Variants in ZFR2 observed in about 807,000 individuals in gnomAD.
ZFR2 encodes the protein zinc finger RNA binding protein 2, also known as zinc finger RNA-binding protein 2.
A neutral mutation model predicts 105.7 loss-of-function variants in ZFR2; 104 were observed. The observed-to-expected ratio is 0.98, with a 90% CI of 0.84 to 1.16. The LOEUF (loss-of-function observed/expected upper bound fraction) is 1.16. Ranked by LOEUF, ZFR2 falls within the 50% of genes most tolerant of loss-of-function variation. The pLI is 0.00. For missense variants in ZFR2, 1,425 were observed against 1,355.5 expected (o/e 1.05, Z -0.80); for synonymous variants, 634 against 597.7 (o/e 1.06, Z -0.89).
At chr19:3,817,474 G>T (rs566137337) in intron 12 of ZFR2, among the ~76,000 whole-genome samples, 2 of 150,694 alleles carry the variant, frequency 1.3e-5, no homozygotes, top group African/African-American at 4.9e-5. Context: ...CAGGAGAATC[G>T]CTTGAACCCA....
Position 3,831,289 on chromosome 19 carries a change from G to A in ZFR2, c.852+14C>T, listed in dbSNP as rs745376139. ...AGGTCCCTGGGGCCTGCCCATGGCA[G>A]GAGGGCGACTGACCTGGGGGCCAGC... is the stretch of plus-strand genomic sequence containing the variant. On this transcript the variant is annotated intron_variant, in intron 5 of 18. Transcript: ENST00000262961. 6.6e-7 allele frequency: 1 copy of A among 1,506,210 alleles called. No individual in the cohort carries two copies. Among genetic ancestry groups the A allele is most frequent in the Non-Finnish European group, 8.9e-7 (1 of 1,126,622 alleles). The allele number at this position is 1,506,210 out of a possible 1,614,324, so 93.3% of individuals were successfully genotyped here. A position where few individuals can be genotyped will look rare whatever the true frequency, so the allele number is the denominator to read the frequency against.
At chr19:3,816,905 G>T in intron 12 of ZFR2, 60 bp from the exon 13 acceptor site, 3 of 1,464,356 alleles carry the variant, frequency 2.0e-6, no homozygotes, top group Non-Finnish European at 2.8e-6. Context: ...TACCCCAGCT[G>T]CCTCCCTCCT....
At position 3,813,925 on chromosome 19, in the gene ZFR2, CGGA is replaced by C. The variant is rs2037798730; in HGVS notation, c.2134_2136del (p.Ser712del). On this transcript the variant is annotated inframe_deletion, in exon 14 of 19. Transcript: ENST00000262961. This position sits in a 1 kb window ranked among gnomAD's most constrained non-coding sequence, Gnocchi z 4.4. ...GAGATGACAATGTTGGCTTCAGGGT[CGGA>C]GGAGACCTCATACTCATCCTCGGTC... is the stretch of plus-strand genomic sequence containing the variant. The C allele has an allele frequency of 6.2e-7, 1 of 1,613,768 alleles. No individual in the cohort carries two copies.
At chr19:3,841,472 C>A (rs1293578703) in intron 1 of ZFR2, among the ~76,000 whole-genome samples, 3 of 152,070 alleles carry the variant, frequency 2.0e-5, no homozygotes, top group Admixed American at 6.6e-5. Flanking sequence ...ACTGCTGGAG[C>A]CCAGGAGTTC....
At chr19:3,853,147 G>A (rs1308297968) in intron 1 of ZFR2, among the ~76,000 whole-genome samples, 2 of 152,186 alleles carry the variant, frequency 1.3e-5, no homozygotes, top group African/African-American at 4.8e-5. Context: ...GACAGGCTGG[G>A]GTCCCTGGGG....
rs531688984 is a variant in ZFR2, at chr19:3,831,411, G to A, written c.744C>T (p.Ala248=). 1.9e-5 allele frequency: 30 copies of A among 1,554,940 alleles called. No individual in the cohort carries two copies. Among genetic ancestry groups the A allele is most frequent in the Non-Finnish European group, 2.5e-5 (29 of 1,151,254 alleles). Residue 248 remains alanine (A), a synonymous_variant, in exon 5 of 19, where the codon GCC becomes GCT. Coordinates refer to ENST00000262961, the MANE Select transcript of ZFR2 (RefSeq NM_015174.2). Reference sequence around the variant, plus strand: ...TGCTGGGAAGCGGTGGCTTCGAGTCGGCCCTGGGGCTGCTTCCTGAGCCTG... The same window carrying A: ...TGCTGGGAAGCGGTGGCTTCGAGTCAGCCCTGGGGCTGCTTCCTGAGCCTG... ...APAGSGSSPR[A]DSKPPLPSKL...
chr19:3,817,937 C>T (rs905150621), intron 12 of ZFR2, among the ~76,000 whole-genome samples: 8 of 152,280 alleles, frequency 5.3e-5, no homozygotes, highest in Non-Finnish European at 1.2e-4. Flanking sequence ...GGTGTGCGAC[C>T]CCATTTCTAT....
chr19:3,846,596 G>A (rs1305370487), intron 1 of ZFR2, among the ~76,000 whole-genome samples: 2 of 152,238 alleles, frequency 1.3e-5, no homozygotes, highest in East Asian at 1.9e-4. Context: ...AGCAGAACAC[G>A]CATCTTTAAA....
intron 1 of ZFR2, among the ~76,000 whole-genome samples, chr19:3,853,880 C>T (rs570549296): frequency 6.6e-6 from 1 of 151,972 alleles, no homozygotes; most frequent in South Asian, 2.1e-4. Flanking sequence ...TCAAGACCAG[C>T]CTGGGCAACA....
intron 1 of ZFR2, among the ~76,000 whole-genome samples, chr19:3,861,787 G>C (rs775533735): frequency 6.6e-6 from 1 of 152,122 alleles, no homozygotes; most frequent in South Asian, 2.1e-4. Flanking sequence ...TTGGCTGGGC[G>C]TGGTGGTGCA....
chr19:3,855,324 G>C, intron 1 of ZFR2: 2 of 1,203,480 alleles, frequency 1.7e-6, no homozygotes, highest in Middle Eastern at 3.2e-4. Context: ...AGTCATTAGA[G>C]GCCTTCTGAG....
In ZFR2 at chr19:3,864,282, G is replaced by C. The variant is rs140554408; in HGVS notation, c.53+4683C>G. Among the ~76,000 whole-genome samples the C allele has an allele frequency of 1.3e-4, 20 of 152,232 alleles. 1 individual carries two copies. In the East Asian group the frequency reaches 3.1e-3, roughly 24 times the overall value. ...GTCCCAGCCACTCCAGGAAGCTGAG[G>C]GGGGAAGACTGCCTGAGCCCAGAAG... On this transcript the variant is annotated intron_variant, in intron 1 of 18. Transcript: ENST00000262961.
chr19:3,818,984 C>G, intron 12 of ZFR2, 61 bp downstream of exon 12: 2 of 1,560,584 alleles, frequency 1.3e-6, no homozygotes, highest in East Asian at 2.3e-5. Context: ...GGTCTCGTCC[C>G]GAGGAGCTGA....
chr19:3,819,263 G>C, intron 11 of ZFR2, 28 bp from the exon 12 acceptor site: 1 of 1,482,932 alleles, frequency 6.7e-7, no homozygotes, highest in Non-Finnish European at 8.9e-7. Flanking sequence ...ACGTGTCAAG[G>C]GTGGTCTGTG....
chr19:3,826,474 C>T (rs562719896), intron 6 of ZFR2, among the ~76,000 whole-genome samples: 1 of 151,660 alleles, frequency 6.6e-6, no homozygotes, highest in South Asian at 2.1e-4. Flanking sequence ...CTTGCTCTGT[C>T]GCCCAGGCTG....
chr19:3,867,397 G>A (rs2038445652), intron 1 of ZFR2, among the ~76,000 whole-genome samples: 1 of 152,064 alleles, frequency 6.6e-6, no homozygotes, highest in Non-Finnish European at 1.5e-5. Flanking sequence ...GAAGATAGCA[G>A]AGATGCTCCG....
chr19:3,822,672 C>T (rs559985662), intron 8 of ZFR2, among the ~76,000 whole-genome samples: 20 of 152,224 alleles, frequency 1.3e-4, no homozygotes, highest in African/African-American at 4.1e-4. Flanking sequence ...GCCATGATGG[C>T]ACCACTGTGC....
chr19:3,855,847 G>A (rs986667830), intron 1 of ZFR2, among the ~76,000 whole-genome samples: 1 of 152,144 alleles, frequency 6.6e-6, no homozygotes, highest in African/African-American at 2.4e-5. Flanking sequence ...GAAGGAATGA[G>A]GGGAGATGGG....
chr19:3,828,527 C>CCT (rs1359341479), intron 5 of ZFR2, among the ~76,000 whole-genome samples: 18 of 152,212 alleles, frequency 1.2e-4, no homozygotes, highest in African/African-American at 3.9e-4. Flanking sequence ...GAAGGATAGT[C>CCT]ACGTACACTT....
Sources: gnomAD v4.1 joint callset for allele counts (sites outside exome capture counted in the v4.1 genomes callset) on GRCh38, gnomAD v4.1.1 for gene constraint, Gnocchi (gnomAD v3.1) non-coding constraint, MANE v1.5 for transcripts, NCBI Gene and HGNC (gene_info 2026-07-23, HGNC 2026-07-21) for gene names.